Variants in DYNC2H1 observed in about 807,000 individuals in gnomAD.
DYNC2H1 encodes dynein cytoplasmic 2 heavy chain 1, also known as cytoplasmic dynein 2 heavy chain 1.
In DYNC2H1, 410 loss-of-function variants were observed where a neutral mutation model predicts 570.0. The ratio of observed to expected loss-of-function variants is 0.72; its 90% CI spans 0.66 to 0.78. DYNC2H1 has a LOEUF of 0.78. DYNC2H1 is among the 30% of genes least tolerant of loss of function. DYNC2H1 has a pLI of 0.00. For missense variants in DYNC2H1, 4,865 were observed against 5,046.4 expected, an observed-to-expected ratio of 0.96 and a Z score of 1.09; for synonymous variants, 1,688 against 1,677.6, an observed-to-expected ratio of 1.01 and a Z score of -0.15.
intron 84 of DYNC2H1, among the ~76,000 whole-genome samples, chr11:103,411,595 G>A (rs1012514730): frequency 1.3e-5 from 2 of 151,308 alleles, no homozygotes; most frequent in Non-Finnish European, 2.9e-5. Context: ...ATATAATGTG[G>A]CTTAGATTAT....
chr11:103,168,333 A>C (rs567966843), intron 31 of DYNC2H1, among the ~76,000 whole-genome samples: 3 of 151,980 alleles, frequency 2.0e-5, no homozygotes, highest in Non-Finnish European at 4.4e-5. Context: ...AGAAGGGGGG[A>C]AAAATACAAT....
At chr11:103,392,300 G>A (rs936473523) in intron 83 of DYNC2H1, among the ~76,000 whole-genome samples, 3 of 152,256 alleles carry the variant, frequency 2.0e-5, no homozygotes, top group Admixed American at 1.3e-4. Context: ...CTCCAAGCCA[G>A]GTGCAGGATA....
At position 103,326,519 on chromosome 11, in the gene DYNC2H1, G is replaced by T. The variant is rs531971012; in HGVS notation, c.12039+2529G>T. Among the ~76,000 whole-genome samples the T allele has an allele frequency of 1.3e-5, 2 of 152,174 alleles. No individual in the cohort carries two copies. The highest frequency in any genetic ancestry group is 2.1e-4 in the South Asian group (1 of 4,828). ...CTTCTCCCCAGCTCCAGTGTTGGCC[G>T]CAGATCTGGGCTCGGTACTCCTGAG... is the stretch of plus-strand genomic sequence containing the variant. On this transcript the variant is annotated intron_variant, in intron 82 of 88. Transcript: ENST00000375735. The surrounding 1 kb of genome is among the most constrained non-coding windows in gnomAD (Gnocchi z 6.1).
rs371626369 is a variant in DYNC2H1, at chr11:103,438,496, T to A, written c.12456+2464T>A. Among the ~76,000 whole-genome samples the A allele has an allele frequency of 1.6e-4, 24 of 151,688 alleles. No homozygotes were observed. In the East Asian group the frequency reaches 3.9e-3, roughly 25 times the overall value. ...CTTTTGGTTTCTTAAGAAAGCATAA[T>A]GATCAGACTCAATCCAAACAGGTAT... On this transcript the variant is annotated intron_variant, in intron 85 of 88. Coordinates refer to ENST00000375735, the MANE Select transcript of DYNC2H1 (RefSeq NM_001377.3).
Position 103,261,164 on chromosome 11 carries a change from G to A in DYNC2H1, c.10695+1187G>A, listed in dbSNP as rs952523765. ...AAATCCTTCAGAAGCTCTCTGGGCA[G>A]GGCATCTCTGAAAGAAAGGCAACAC... On this transcript the variant is annotated intron_variant, in intron 70 of 88. Coordinates refer to ENST00000375735, the MANE Select transcript of DYNC2H1 (RefSeq NM_001377.3). This position sits in a 1 kb window ranked among gnomAD's most constrained non-coding sequence, Gnocchi z 4.8. Among the ~76,000 whole-genome samples, 2 of 152,136 alleles carry A rather than the reference G, an allele frequency of 1.3e-5. No homozygotes were observed. Among genetic ancestry groups the A allele is most frequent in the African/African-American group, 4.8e-5 (2 of 41,434 alleles).
chr11:103,208,645 T>G (rs907502509), intron 52 of DYNC2H1, among the ~76,000 whole-genome samples: 1 of 152,126 alleles, frequency 6.6e-6, no homozygotes, highest in African/African-American at 2.4e-5. Context: ...TTTTATTTAA[T>G]AAGCAACTAG....
chr11:103,180,755 T>C (rs1861816597), intron 39 of DYNC2H1, among the ~76,000 whole-genome samples: 1 of 151,378 alleles, frequency 6.6e-6, no homozygotes, highest in African/African-American at 2.4e-5. Context: ...CTCATAGACA[T>C]TGAGAAAATA....
rs573604547 is a variant in DYNC2H1 at position 103,239,564 on chromosome 11, A to G, written c.9819+3025A>G. 1.3e-5 allele frequency among the ~76,000 whole-genome samples: 2 copies of G among 152,100 alleles called. No individual in the cohort carries two copies. Among genetic ancestry groups the G allele is most frequent in the South Asian group, 4.2e-4 (2 of 4,818 alleles). ...ACAGAAGAGTTAATTCACTTGTCTAAGGTCACATGGCTATCAAGTGGTAGA... is the reference window on the plus strand; with the variant it reads ...ACAGAAGAGTTAATTCACTTGTCTAGGGTCACATGGCTATCAAGTGGTAGA... On this transcript the variant is annotated intron_variant, in intron 63 of 88. Coordinates refer to ENST00000375735, the MANE Select transcript of DYNC2H1 (RefSeq NM_001377.3). This position sits in a 1 kb window ranked among gnomAD's most constrained non-coding sequence, Gnocchi z 4.3.
chr11:103,410,992 A>G (rs1205990370), intron 84 of DYNC2H1, among the ~76,000 whole-genome samples: 1 of 152,108 alleles, frequency 6.6e-6, no homozygotes, highest in East Asian at 1.9e-4. Flanking sequence ...GGTGATGTAG[A>G]GGGCATTTTT....
rs574104769 is a variant in DYNC2H1, at chr11:103,452,611, C to A, written c.12457-2575C>A. Among the ~76,000 whole-genome samples the A allele has an allele frequency of 4.9e-4, 69 of 141,852 alleles. No individual in the cohort carries two copies. The South Asian group carries it at 0.011, about 23-fold the overall frequency. 93.1% of individuals were successfully genotyped at this position (141,852 alleles called of 152,430 possible). The stretch of plus-strand genomic sequence containing the variant: ...AACTCTCGCCTATGTAAAAATGATA[C>A]CTGCTTGTATTACAATTTACTGATA... On this transcript the variant is annotated intron_variant, in intron 85 of 88. Transcript: ENST00000375735.
At chr11:103,407,158 G>A (rs1299340531) in intron 84 of DYNC2H1, 2 of 151,692 alleles carry the variant, frequency 1.3e-5, no homozygotes, top group Non-Finnish European at 2.9e-5. Flanking sequence ...CTGTCCAGAT[G>A]AGAAATTAGT....
In DYNC2H1 at chr11:103,299,557, CT is replaced by C. The variant is rs1260786820; in HGVS notation, c.11096-3535del. Among the ~76,000 whole-genome samples the C allele has an allele frequency of 6.6e-6, 1 of 152,084 alleles. No individual in the cohort carries two copies. Among genetic ancestry groups the C allele is most frequent in the Non-Finnish European group, 1.5e-5 (1 of 67,984 alleles). ...TCAGCTTTTGGATGCCAGTTGGTATCTAGCCTTCCTCCATCCTTAAAGCCAA... is the reference window on the plus strand; with the variant it reads ...TCAGCTTTTGGATGCCAGTTGGTATCAGCCTTCCTCCATCCTTAAAGCCAA... On this transcript the variant is annotated intron_variant, in intron 75 of 88. Transcript: ENST00000375735. The surrounding 1 kb of genome is among the most constrained non-coding windows in gnomAD (Gnocchi z 4.5).
rs750490262 is a variant in DYNC2H1 at position 103,168,844 on chromosome 11, G to A, written c.4852G>A (p.Val1618Ile). 2 of 1,613,152 alleles carry A rather than the reference G, an allele frequency of 1.2e-6. No individual in the cohort carries two copies. The highest frequency in any genetic ancestry group is 1.7e-6 in the Non-Finnish European group (2 of 1,179,514). Residue 1618 changes from valine to isoleucine, a missense_variant, in exon 32 of 89, where the codon GTT becomes ATT. Physicochemically the swap from Val to Ile is conservative, Grantham distance 29. Coordinates refer to ENST00000375735, the MANE Select transcript of DYNC2H1 (RefSeq NM_001377.3). ...DVVKQLNQIQVHTTEDWAWKK... is the reference protein window; with the variant it reads ...DVVKQLNQIQIHTTEDWAWKK... ...GGTAAAGCAGTTAAACCAAATTCAG[G>A]TTCATACAACTGAAGACTGGGCTTG...
At position 103,446,343 on chromosome 11, in the gene DYNC2H1, A is replaced by G. The variant is rs888733983; in HGVS notation, c.12457-8843A>G. ...TAAAACCAAGAAATAGTAGTTAGGTATATAGAAGAAAGCCTGGGAGGCTGT... is the reference window on the plus strand; with the variant it reads ...TAAAACCAAGAAATAGTAGTTAGGTGTATAGAAGAAAGCCTGGGAGGCTGT... On this transcript the variant is annotated intron_variant, in intron 85 of 88. Coordinates refer to ENST00000375735, the MANE Select transcript of DYNC2H1 (RefSeq NM_001377.3). This position sits in a 1 kb window ranked among gnomAD's most constrained non-coding sequence, Gnocchi z 4.5. Among the ~76,000 whole-genome samples, 13 of 152,260 alleles carry G rather than the reference A, an allele frequency of 8.5e-5. No homozygotes were observed. Among genetic ancestry groups the G allele is most frequent in the Admixed American group, 7.8e-4 (12 of 15,298 alleles).
chr11:103,261,266 G>A lies in DYNC2H1; in HGVS notation c.10695+1289G>A, dbSNP rs1300314280. Reference sequence around the variant, plus strand: ...CTGGGGGGAAGGGGTGGCTGTGGGCGCAGCATCAGCAGACTTAAACATTCC... The same window carrying A: ...CTGGGGGGAAGGGGTGGCTGTGGGCACAGCATCAGCAGACTTAAACATTCC... On this transcript the variant is annotated intron_variant, in intron 70 of 88. Coordinates refer to ENST00000375735, the MANE Select transcript of DYNC2H1 (RefSeq NM_001377.3). The surrounding 1 kb of genome is among the most constrained non-coding windows in gnomAD (Gnocchi z 4.8). 8.0e-5 allele frequency among the ~76,000 whole-genome samples: 12 copies of A among 150,074 alleles called. No individual in the cohort carries two copies. In the East Asian group the frequency reaches 2.0e-3, roughly 25 times the overall value.
intron 17 of DYNC2H1, among the ~76,000 whole-genome samples, chr11:103,139,151 T>C (rs1476565609): frequency 6.6e-6 from 1 of 152,196 alleles, no homozygotes; most frequent in Non-Finnish European, 1.5e-5. Context: ...TTGTTGATCC[T>C]TTCAAAAAAC....
intron 2 of DYNC2H1, 125 bp from the exon 3 acceptor site, chr11:103,113,975 ATTC>A (rs796264533): frequency 2.1e-5 from 24 of 1,138,982 alleles, no homozygotes; most frequent in Middle Eastern, 2.6e-4. Context: ...AGGACTTTTT[ATTC>A]TTCTTATGAA....
At chr11:103,340,947 G>C (rs7951350) in intron 82 of DYNC2H1, among the ~76,000 whole-genome samples, 5,449 of 152,014 alleles carry the variant, frequency 0.036, 323 homozygotes, top group African/African-American at 0.13. Flanking sequence ...AGTTACAAAG[G>C]TTAGAGATTT....
intron 82 of DYNC2H1, among the ~76,000 whole-genome samples, chr11:103,328,003 G>A (rs909841545): frequency 1.8e-4 from 28 of 152,178 alleles, no homozygotes; most frequent in South Asian, 2.1e-4. Flanking sequence ...GAAGATAGAC[G>A]CCCATGTTGT....
Sources: gnomAD v4.1 joint callset for allele counts (sites outside exome capture counted in the v4.1 genomes callset) on GRCh38, gnomAD v4.1.1 for gene constraint, Gnocchi (gnomAD v3.1) non-coding constraint, MANE v1.5 for transcripts, NCBI Gene and HGNC (gene_info 2026-07-23, HGNC 2026-07-21) for gene names.